The following DYM variants were observed in gnomAD, a reference collection of about 807,000 sequenced individuals.
DYM encodes dyggve-Melchior-Clausen syndrome protein.
DYM carries 78 observed loss-of-function variants against 93.1 expected under a neutral mutation model. That is an observed-to-expected ratio of 0.84 (90% CI 0.70 to 1.01). The LOEUF (loss-of-function observed/expected upper bound fraction) is 1.01, where lower values mean the gene tolerates loss of function less well. Among genes scored for constraint, DYM ranks in the 50% least tolerant of loss-of-function variants. The pLI is 0.00. For synonymous variants in DYM, 321 were observed against 319.7 expected (o/e 1.00, Z -0.04); for missense variants, 789 against 845.0 (o/e 0.93, Z 0.82).
chr18:49,303,819 C>A (rs2061101149), intron 8 of DYM, among the ~76,000 whole-genome samples: 2 of 152,212 alleles, frequency 1.3e-5, no homozygotes, highest in Non-Finnish European at 2.9e-5. Flanking sequence ...TATTAATTTA[C>A]TAAATGAATT....
At chr18:49,090,122 C>G (rs1456627934) in intron 17 of DYM, among the ~76,000 whole-genome samples, 2 of 152,198 alleles carry the variant, frequency 1.3e-5, no homozygotes, top group Admixed American at 6.5e-5. Context: ...GTTTCCGGAT[C>G]CATTTATAAG....
intron 1 of DYM, among the ~76,000 whole-genome samples, chr18:49,455,132 C>T (rs1238749935): frequency 1.3e-5 from 2 of 152,154 alleles, no homozygotes; most frequent in Non-Finnish European, 2.9e-5. Flanking sequence ...CTTCTTACTC[C>T]GCACATAGTA....
At position 49,203,334 on chromosome 18, in the gene DYM, C is replaced by G. The variant is rs571583913; in HGVS notation, c.1625+6217G>C. 1.7e-3 allele frequency among the ~76,000 whole-genome samples: 152 copies of G among 87,168 alleles called. 4 individuals are homozygous for G. The highest frequency in any genetic ancestry group is 5.9e-3 in the African/African-American group (143 of 24,376). 57.2% of individuals were successfully genotyped at this position (87,168 alleles called of 152,430 possible). ...AGTGAGGAGCCCCTCTGCCCGGCCA[C>G]CACCCCGTCTGGGAGGTGTGCCCAA... On this transcript the variant is annotated intron_variant, in intron 14 of 17. Transcript: ENST00000675505.
intron 8 of DYM, among the ~76,000 whole-genome samples, chr18:49,322,498 GA>G (rs924071919): frequency 5.3e-5 from 8 of 150,836 alleles, no homozygotes; most frequent in African/African-American, 1.7e-4. Context: ...AGAATCAAAT[GA>G]AAAAAAATAA....
intron 16 of DYM, among the ~76,000 whole-genome samples, chr18:49,102,164 T>C (rs192725763): frequency 1.4e-3 from 210 of 152,350 alleles, no homozygotes; most frequent in South Asian, 1.7e-3. Context: ...AGGGTACTGA[T>C]ACACACCTAA....
At chr18:49,216,992 G>T (rs540111011) in intron 13 of DYM, among the ~76,000 whole-genome samples, 1 of 152,282 alleles carries the variant, frequency 6.6e-6, no homozygotes, top group South Asian at 2.1e-4. Flanking sequence ...AGGCAAAGAA[G>T]TTAAATACTT....
chr18:49,218,745 C>T (rs2093202317), intron 13 of DYM, among the ~76,000 whole-genome samples: 1 of 152,320 alleles, frequency 6.6e-6, no homozygotes, highest in African/African-American at 2.4e-5. Context: ...CTCTGGGACA[C>T]ATTCAAAGCA....
At chr18:49,110,909 AT>A (rs1468040755) in intron 16 of DYM, among the ~76,000 whole-genome samples, 8 of 152,060 alleles carry the variant, frequency 5.3e-5, no homozygotes, top group African/African-American at 1.9e-4. Flanking sequence ...TTCTTATTGT[AT>A]TTATTTGCAT....
chr18:49,219,447 C>T (rs1220007400), intron 13 of DYM, among the ~76,000 whole-genome samples: 12 of 152,050 alleles, frequency 7.9e-5, no homozygotes, highest in African/African-American at 2.7e-4. Context: ...GGCAGAGACA[C>T]AACCAAAAAA....
intron 1 of DYM, among the ~76,000 whole-genome samples, chr18:49,441,039 TAAATATATAATATATTTA>T (rs2081417324): frequency 1.3e-4 from 1 of 7,888 alleles, no homozygotes; most frequent in Non-Finnish European, 2.6e-4. Context: ...ATATAATATA[TAAATATATAATATATTTA>T]TATATATTAT....
At chr18:49,080,461 T>TCC (rs2077810710) in intron 17 of DYM, among the ~76,000 whole-genome samples, 1 of 93,938 alleles carries the variant, frequency 1.1e-5, no homozygotes, top group Non-Finnish European at 2.2e-5. Context: ...TAGGGGCGGC[T>TCC]GGGCAGAGGC....
chr18:49,045,986 G>C (rs1324782198), intron 17 of DYM, among the ~76,000 whole-genome samples: 1 of 152,154 alleles, frequency 6.6e-6, no homozygotes, highest in Non-Finnish European at 1.5e-5. Flanking sequence ...GCCTAGTCCA[G>C]GGAAGGGGGA....
chr18:49,243,049 G>A, intron 13 of DYM, among the ~76,000 whole-genome samples: 1 of 152,116 alleles, frequency 6.6e-6, no homozygotes, highest in East Asian at 1.9e-4. Context: ...AGAGCCAGAT[G>A]GACAGAGAAA....
intron 6 of DYM, among the ~76,000 whole-genome samples, chr18:49,343,286 C>T (rs572316493): frequency 1.3e-5 from 2 of 152,292 alleles, no homozygotes; most frequent in East Asian, 3.9e-4. Context: ...ACATACCCTC[C>T]CCATCCTTGC....
chr18:49,285,429 A>C (rs1181303528), intron 9 of DYM, among the ~76,000 whole-genome samples: 1 of 152,206 alleles, frequency 6.6e-6, no homozygotes, highest in Non-Finnish European at 1.5e-5. Context: ...TGCACTGCAT[A>C]ATAACGTTTC....
intron 9 of DYM, 124 bp from the exon 10 acceptor site, chr18:49,282,299 T>G: frequency 9.8e-7 from 1 of 1,019,252 alleles, no homozygotes; most frequent in East Asian, 2.6e-5. Flanking sequence ...ACATTTCAGA[T>G]TCAAAATTTT....
At chr18:49,123,407 G>A (rs2082546888) in intron 15 of DYM, among the ~76,000 whole-genome samples, 1 of 152,098 alleles carries the variant, frequency 6.6e-6, no homozygotes, top group Non-Finnish European at 1.5e-5. Flanking sequence ...AAGATCCCAT[G>A]GTGAGGCTGT....
intron 17 of DYM, among the ~76,000 whole-genome samples, chr18:49,047,202 G>C (rs998568615): frequency 2.0e-5 from 3 of 152,108 alleles, no homozygotes; most frequent in African/African-American, 4.8e-5. Flanking sequence ...GCACTACCTA[G>C]GCCTAGATCT....
intron 17 of DYM, among the ~76,000 whole-genome samples, chr18:49,054,217 G>A (rs1242910875): frequency 6.6e-6 from 1 of 152,178 alleles, no homozygotes; most frequent in Non-Finnish European, 1.5e-5. Flanking sequence ...TTCATTTTAT[G>A]TTAATTTTAC....
Sources: gnomAD v4.1 joint callset for allele counts (sites outside exome capture counted in the v4.1 genomes callset) on GRCh38, gnomAD v4.1.1 for gene constraint, MANE v1.5 for transcripts, NCBI Gene and HGNC (gene_info 2026-07-23, HGNC 2026-07-21) for gene names.